Variants in DCHS2 observed in about 807,000 individuals in gnomAD.
DCHS2 encodes the protein protocadherin-23.
A neutral mutation model predicts 182.4 loss-of-function variants in DCHS2; 142 were observed. That is an observed-to-expected ratio of 0.78 (90% CI 0.68 to 0.89). The LOEUF is 0.89. Among genes scored for constraint, DCHS2 ranks in the 40% least tolerant of loss-of-function variants. The probability of loss-of-function intolerance (pLI) is 0.00; values close to 1 mark genes in which losing one functional copy is unlikely to be tolerated. For synonymous variants in DCHS2, 1,740 were observed against 1,663.3 expected (o/e 1.05, Z -1.12); for missense variants, 4,319 against 4,198.6 (o/e 1.03, Z -0.79).
intron 10 of DCHS2, among the ~76,000 whole-genome samples, chr4:154,309,560 C>T (rs1222907678): frequency 2.0e-5 from 3 of 152,210 alleles, no homozygotes; most frequent in African/African-American, 7.2e-5. Context: ...CTTCAGTATT[C>T]CCTTCTTGCT....
chr4:154,235,597 G>A lies in DCHS2; in HGVS notation c.9055C>T (p.His3019Tyr). The A allele has an allele frequency of 6.2e-7, 1 of 1,613,912 alleles. No individual in the cohort carries two copies. Among genetic ancestry groups the A allele is most frequent in the Non-Finnish European group, 8.5e-7 (1 of 1,179,942 alleles). The change falls in exon 20 of 20, where the codon CAT becomes TAT. Residue 3019 changes from histidine (H) to tyrosine (Y), a missense_variant. Coordinates refer to ENST00000357232, the MANE Select transcript of DCHS2 (RefSeq NM_001358235.2). ...ICILIVMILR[H>Y]KQKDTINNYE... ...TTGTTTATTGTGTCTTTTTGTTTAT[G>A]TCTTAAAATCATTACAATTAGAATG...
chr4:154,245,400 C>G (rs762191105), intron 16 of DCHS2, among the ~76,000 whole-genome samples: 1 of 152,128 alleles, frequency 6.6e-6, no homozygotes, highest in African/African-American at 2.4e-5. Context: ...CAATGGGAAG[C>G]TTCTTTTACC....
At chr4:154,459,517 A>T (rs1446840769) in intron 1 of DCHS2, among the ~76,000 whole-genome samples, 2 of 152,180 alleles carry the variant, frequency 1.3e-5, no homozygotes, top group African/African-American at 2.4e-5. Context: ...ATGATGTGCC[A>T]GTCCTCCCTG....
chr4:154,459,814 T>A (rs1312558732), intron 1 of DCHS2, among the ~76,000 whole-genome samples: 1 of 150,836 alleles, frequency 6.6e-6, no homozygotes, highest in Non-Finnish European at 1.5e-5. Flanking sequence ...CTCTCGCTCA[T>A]GGTTTCCAAC....
rs763946892 is a variant in DCHS2 at position 154,236,356 on chromosome 4, CA to C, written c.8295del (p.His2765GlnfsTer27). On this transcript the variant is annotated frameshift_variant, in exon 20 of 20. Coordinates refer to ENST00000357232, the MANE Select transcript of DCHS2 (RefSeq NM_001358235.2). LOFTEE classifies it low-confidence loss of function (END_TRUNC). ...VFVSVLDDND[H>X]APQFMFSSFS... ...AAGCTTGAGAACATAAACTGAGGTGCATGGTCGTTATCATCCAGGACACTGA... is the reference window on the plus strand; with the variant it reads ...AAGCTTGAGAACATAAACTGAGGTGCTGGTCGTTATCATCCAGGACACTGA... 1 of 1,614,082 alleles carries C rather than the reference CA, an allele frequency of 6.2e-7. No homozygotes were observed. Among genetic ancestry groups the C allele is most frequent in the South Asian group, 1.1e-5 (1 of 91,086 alleles).
intron 3 of DCHS2, among the ~76,000 whole-genome samples, chr4:154,353,024 G>T (rs954951679): frequency 6.6e-6 from 1 of 152,110 alleles, no homozygotes; most frequent in Non-Finnish European, 1.5e-5. Context: ...AAATTGTCTG[G>T]CTTGAAATTC....
In DCHS2 at chr4:154,465,190, C is replaced by T. The variant is rs78205334; in HGVS notation, c.2052+24114G>A. Among the ~76,000 whole-genome samples, 366 of 152,258 alleles carry T rather than the reference C, an allele frequency of 2.4e-3. 1 individual carries two copies. Among genetic ancestry groups the T allele is most frequent in the Non-Finnish European group, 4.4e-3 (302 of 68,030 alleles). ...ACAGGCTGCAATCAAGGTGCCAGAT[C>T]GAGCCGCAATCATGTAAGCCTTGAC... On this transcript the variant is annotated intron_variant, in intron 1 of 19. Transcript: ENST00000357232.
At chr4:154,240,031 G>T (rs991136974) in intron 18 of DCHS2, among the ~76,000 whole-genome samples, 6 of 152,068 alleles carry the variant, frequency 3.9e-5, no homozygotes, top group Admixed American at 3.9e-4. Flanking sequence ...ACATTCAAAA[G>T]TTCTGGAGTC....
intron 4 of DCHS2, 116 bp downstream of exon 4, chr4:154,334,752 C>T (rs1362207429): frequency 3.8e-6 from 3 of 789,148 alleles, no homozygotes; most frequent in Non-Finnish European, 6.2e-6. Context: ...TGTTATCTCC[C>T]TTGTTTTGAC....
At chr4:154,403,396 T>C (rs1159288603) in intron 1 of DCHS2, among the ~76,000 whole-genome samples, 1 of 152,222 alleles carries the variant, frequency 6.6e-6, no homozygotes, top group African/African-American at 2.4e-5. Flanking sequence ...TTTTGCTGCA[T>C]TTATTTAGAT....
intron 1 of DCHS2, among the ~76,000 whole-genome samples, chr4:154,434,098 A>G (rs1420214648): frequency 6.6e-6 from 1 of 152,268 alleles, no homozygotes; most frequent in African/African-American, 2.4e-5. Context: ...CAAGTTACAG[A>G]GAATACATAC....
intron 3 of DCHS2, among the ~76,000 whole-genome samples, chr4:154,345,091 T>C (rs145935012): frequency 1.3e-3 from 198 of 152,334 alleles, no homozygotes; most frequent in African/African-American, 4.4e-3. Context: ...GGAACAGATC[T>C]GAAAGTCGCC....
Position 154,345,323 on chromosome 4 carries a change from T to C in DCHS2, c.2477-10219A>G, listed in dbSNP as rs114886813. Among the ~76,000 whole-genome samples, 429 of 152,356 alleles carry C rather than the reference T, an allele frequency of 2.8e-3. 2 individuals are homozygous for C. Among genetic ancestry groups the C allele is most frequent in the African/African-American group, 9.8e-3 (406 of 41,592 alleles). ...CTTCCATTATCCACTTAACCAGCTG[T>C]CTATACTAAATTATTTCTGTTACTA... is the stretch of plus-strand genomic sequence containing the variant. On this transcript the variant is annotated intron_variant, in intron 3 of 19. Transcript: ENST00000357232.
chr4:154,351,974 C>G (rs534966475), intron 3 of DCHS2, among the ~76,000 whole-genome samples: 1 of 152,072 alleles, frequency 6.6e-6, no homozygotes. Context: ...GTATATTAGG[C>G]AATTTAATCA....
intron 1 of DCHS2, among the ~76,000 whole-genome samples, chr4:154,429,358 T>A (rs1733466962): frequency 6.6e-6 from 1 of 152,188 alleles, no homozygotes; most frequent in Admixed American, 6.5e-5. Flanking sequence ...AGTGCATGTG[T>A]TTTGATGGGA....
intron 3 of DCHS2, among the ~76,000 whole-genome samples, chr4:154,362,627 A>G (rs1730174668): frequency 6.6e-6 from 1 of 152,068 alleles, no homozygotes; most frequent in Non-Finnish European, 1.5e-5. Flanking sequence ...GCGTGAGTCC[A>G]CTTATACACA....
chr4:154,248,070 G>C (rs1345296881), intron 16 of DCHS2, among the ~76,000 whole-genome samples: 1 of 152,206 alleles, frequency 6.6e-6, no homozygotes, highest in African/African-American at 2.4e-5. Context: ...AAGGCAGTTA[G>C]AGGATAAATT....
chr4:154,396,604 C>T (rs938307957), intron 1 of DCHS2, among the ~76,000 whole-genome samples: 1 of 152,160 alleles, frequency 6.6e-6, no homozygotes. Context: ...AACGGTGTCT[C>T]TAACCTCCTT....
chr4:154,355,704 C>T (rs1236235477), intron 3 of DCHS2: 1 of 152,154 alleles, frequency 6.6e-6, no homozygotes, highest in African/African-American at 2.4e-5. Context: ...ACGGCCCATG[C>T]ACTTACGATG....
Sources: allele counts gnomAD v4.1 joint callset (sites outside exome capture counted in the v4.1 genomes callset), GRCh38; gene constraint gnomAD v4.1.1; transcripts MANE v1.5; gene names NCBI Gene and HGNC (gene_info 2026-07-23, HGNC 2026-07-21).